Variants in GDAP1 observed in about 807,000 individuals in gnomAD.
GDAP1 encodes ganglioside-induced differentiation-associated protein 1.
Under a neutral mutation model 40.1 loss-of-function variants are expected in GDAP1, and 34 were observed. The ratio of observed to expected loss-of-function variants is 0.85; its 90% CI spans 0.64 to 1.13. GDAP1 has a LOEUF of 1.13. Ranked by LOEUF, GDAP1 falls within the 50% of genes most tolerant of loss-of-function variation. GDAP1 has a pLI of 0.00. For synonymous variants in GDAP1, 170 were observed against 157.4 expected (o/e 1.08, Z -0.60); for missense variants, 374 against 433.7 (o/e 0.86, Z 1.22).
Position 74,366,611 on chromosome 8 carries a change from T to C in GDAP1, c.*2244T>C, listed in dbSNP as rs113763295. ...CCAAAATTTGTATAAATATCACAAT[T>C]AGAAAAATGCCTGAGGTACTAAAGT... is the stretch of plus-strand genomic sequence containing the variant. On this transcript the variant is annotated 3_prime_UTR_variant, in exon 6 of 6. Transcript: ENST00000220822. The C allele has an allele frequency of 2.1e-3, 953 of 453,846 alleles. 9 individuals carry two copies. Among genetic ancestry groups the C allele is most frequent in the African/African-American group, 0.015 (748 of 50,108 alleles). The allele number at this position is 453,846 out of a possible 1,614,324, so 28.1% of individuals were successfully genotyped here.
intron 5 of GDAP1, among the ~76,000 whole-genome samples, chr8:74,363,476 G>C (rs1809472407): frequency 6.6e-6 from 1 of 152,198 alleles, no homozygotes; most frequent in Non-Finnish European, 1.5e-5. Context: ...ACTGGCTTCA[G>C]GGTTAAGCCA....
chr8:74,383,098 C>G (rs12546775), intron 2 of GDAP1, among the ~76,000 whole-genome samples: 80,130 of 152,062 alleles, frequency 0.53, 21,702 homozygotes, highest in African/African-American at 0.67. Context: ...AGGTATAACA[C>G]TCAAGTTAAC....
At chr8:74,391,966 G>A (rs1362079978) in intron 2 of GDAP1, among the ~76,000 whole-genome samples, 1 of 151,982 alleles carries the variant, frequency 6.6e-6, no homozygotes, top group Admixed American at 6.6e-5. Context: ...TTACAGGCAT[G>A]CACCACCATG....
At chr8:74,356,203 T>C (rs1413491139) in intron 2 of GDAP1, among the ~76,000 whole-genome samples, 1 of 152,164 alleles carries the variant, frequency 6.6e-6, no homozygotes, top group Admixed American at 6.5e-5. Flanking sequence ...CTTTGATTAT[T>C]GTGTCAGTAA....
At chr8:74,385,170 A>G (rs1810007742) in intron 2 of GDAP1, among the ~76,000 whole-genome samples, 1 of 152,030 alleles carries the variant, frequency 6.6e-6, no homozygotes, top group Non-Finnish European at 1.5e-5. Context: ...TAGGTGGTAT[A>G]TAGATCTTTT....
chr8:74,370,063 C>T (rs935321894), downstream of GDAP1, among the ~76,000 whole-genome samples: 1 of 152,008 alleles, frequency 6.6e-6, no homozygotes, highest in African/African-American at 2.4e-5. Flanking sequence ...CCCTGCAAAA[C>T]CAAAAACTGC....
chr8:74,406,804 G>T (rs1222021783), intron 2 of GDAP1, among the ~76,000 whole-genome samples: 1 of 149,666 alleles, frequency 6.7e-6, no homozygotes, highest in African/African-American at 2.6e-5. Flanking sequence ...AATTGTTCAG[G>T]CTGGTACTAG....
chr8:74,354,832 T>C (rs571904469), intron 2 of GDAP1, among the ~76,000 whole-genome samples: 49 of 151,682 alleles, frequency 3.2e-4, no homozygotes, highest in African/African-American at 1.2e-3. Flanking sequence ...GGAATGTTGA[T>C]GAGATAGAAT....
At chr8:74,413,412 A>G (rs1805739582) in intron 2 of GDAP1, among the ~76,000 whole-genome samples, 1 of 149,920 alleles carries the variant, frequency 6.7e-6, no homozygotes, top group South Asian at 2.1e-4. Context: ...CAAAGTGGAT[A>G]TCAGTGGGGA....
intron 2 of GDAP1, among the ~76,000 whole-genome samples, chr8:74,435,619 A>G (rs184333709): frequency 5.8e-4 from 89 of 152,370 alleles, no homozygotes; most frequent in Middle Eastern, 6.8e-3. Context: ...TTTTAGAAAC[A>G]CCAGCAAATT....
At chr8:74,470,952 G>A (rs1806545448) in intron 2 of GDAP1, among the ~76,000 whole-genome samples, 1 of 152,190 alleles carries the variant, frequency 6.6e-6, no homozygotes, top group South Asian at 2.1e-4. Flanking sequence ...TCTAACTGGT[G>A]TGAGATGGTA....
intron 2 of GDAP1, among the ~76,000 whole-genome samples, chr8:74,443,180 C>T (rs996496061): frequency 1.3e-5 from 2 of 152,082 alleles, no homozygotes; most frequent in African/African-American, 4.8e-5. Flanking sequence ...TACTGGTATA[C>T]CAGTGAAGAA....
At chr8:74,380,455 A>T (rs1232668596) in intron 2 of GDAP1, among the ~76,000 whole-genome samples, 1 of 152,012 alleles carries the variant, frequency 6.6e-6, no homozygotes, top group Non-Finnish European at 1.5e-5. Context: ...AATTATTTTT[A>T]AAAATTTATG....
chr8:74,475,011 G>A (rs992286261), intron 2 of GDAP1, among the ~76,000 whole-genome samples: 2 of 152,078 alleles, frequency 1.3e-5, no homozygotes, highest in African/African-American at 4.8e-5. Flanking sequence ...TATTGGGACA[G>A]TTTATGTGTC....
chr8:74,399,518 T>A (rs1810279872), intron 2 of GDAP1, among the ~76,000 whole-genome samples: 1 of 147,686 alleles, frequency 6.8e-6, no homozygotes, highest in African/African-American at 2.7e-5. Context: ...ATTCATTAAT[T>A]TTTTGAAGGG....
At chr8:74,470,094 T>C (rs542919113) in intron 2 of GDAP1, among the ~76,000 whole-genome samples, 1 of 152,318 alleles carries the variant, frequency 6.6e-6, no homozygotes, top group South Asian at 2.1e-4. Flanking sequence ...TTGATATTAC[T>C]CTGTTTAGGT....
intron 2 of GDAP1, among the ~76,000 whole-genome samples, chr8:74,428,864 C>T (rs758608619): frequency 1.4e-5 from 2 of 143,354 alleles, no homozygotes; most frequent in South Asian, 2.4e-4. Flanking sequence ...CCCTCCCCGC[C>T]TCCCCCGACC....
At chr8:74,471,963 G>T (rs1442481502) in intron 2 of GDAP1, among the ~76,000 whole-genome samples, 1 of 151,922 alleles carries the variant, frequency 6.6e-6, no homozygotes, top group Non-Finnish European at 1.5e-5. Context: ...TTTATTTTAG[G>T]TTCAGGAATA....
At chr8:74,379,811 C>T (rs1809918907) in intron 2 of GDAP1, among the ~76,000 whole-genome samples, 1 of 152,126 alleles carries the variant, frequency 6.6e-6, no homozygotes, top group African/African-American at 2.4e-5. Flanking sequence ...AAGAATGACA[C>T]GTATCAGAGG....
Sources: gnomAD v4.1 joint callset for allele counts (sites outside exome capture counted in the v4.1 genomes callset) on GRCh38, gnomAD v4.1.1 for gene constraint, MANE v1.5 for transcripts, NCBI Gene and HGNC (gene_info 2026-07-23, HGNC 2026-07-21) for gene names.